Variants in ACYP2 observed in about 807,000 individuals in gnomAD.
ACYP2 encodes acylphosphatase 2.
A neutral mutation model predicts 11.2 loss-of-function variants in ACYP2; 12 were observed. The observed-to-expected ratio is 1.08, with a 90% CI of 0.69 to 1.74. The LOEUF (loss-of-function observed/expected upper bound fraction) is 1.74, where lower values mean the gene tolerates loss of function less well. Among genes scored for constraint, ACYP2 ranks in the 40% most tolerant of loss-of-function variants. The probability of loss-of-function intolerance (pLI) is 0.00; values close to 1 mark genes in which losing one functional copy is unlikely to be tolerated. For synonymous variants in ACYP2, 43 were observed against 32.2 expected, an observed-to-expected ratio of 1.33 and a Z score of -1.13; for missense variants, 134 against 101.9, an observed-to-expected ratio of 1.31 and a Z score of -1.35.
Position 54,197,933 on chromosome 2 carries a change from GTATGTATTA to G in ACYP2, c.404+59189_404+59197del, listed in dbSNP as rs1213658710. On this transcript the variant is annotated intron_variant, in intron 6 of 6. Coordinates refer to ENST00000607452, the MANE Select transcript of ACYP2 (RefSeq NM_001320586.2). The stretch of plus-strand genomic sequence containing the variant: ...TATTTTATTATTTTATTTTATTTAT[GTATGTATTA>G]TATTGTATTGTATTGTATTGTATTG... Among the ~76,000 whole-genome samples, 208 of 109,056 alleles carry G rather than the reference GTATGTATTA, an allele frequency of 1.9e-3. 4 individuals are homozygous for G. The highest frequency in any genetic ancestry group is 5.4e-3 in the South Asian group (12 of 2,236). The allele number at this position is 109,056 out of a possible 152,430, so 71.5% of individuals were successfully genotyped here.
chr2:54,154,629 G>T (rs1013163398), intron 6 of ACYP2, among the ~76,000 whole-genome samples: 4 of 152,114 alleles, frequency 2.6e-5, no homozygotes, highest in African/African-American at 9.7e-5. Context: ...AATTCCACTT[G>T]ATCATGGTGA....
At chr2:54,296,203 A>T (rs1202025142) in intron 6 of ACYP2, among the ~76,000 whole-genome samples, 1 of 152,202 alleles carries the variant, frequency 6.6e-6, no homozygotes, top group Admixed American at 6.5e-5. Context: ...CCCTTTTCAC[A>T]TAGGGGCAGT....
chr2:54,065,236 A>T (rs1042561575), intron 4 of ACYP2, among the ~76,000 whole-genome samples: 3 of 152,180 alleles, frequency 2.0e-5, no homozygotes, highest in African/African-American at 7.2e-5. Flanking sequence ...TTATTACTGG[A>T]TGTGAGGAAA....
At chr2:54,265,668 A>G (rs1687983309) in intron 6 of ACYP2, among the ~76,000 whole-genome samples, 1 of 152,238 alleles carries the variant, frequency 6.6e-6, no homozygotes, top group African/African-American at 2.4e-5. Flanking sequence ...CAGGGGTGAT[A>G]TGAAGATTAA....
Position 54,023,054 on chromosome 2 carries a change from G to C in ACYP2, c.63-27904G>C, listed in dbSNP as rs542848714. On this transcript the variant is annotated intron_variant, in intron 2 of 6. Coordinates refer to ENST00000607452, the MANE Select transcript of ACYP2 (RefSeq NM_001320586.2). The stretch of plus-strand genomic sequence containing the variant: ...TTGTATTCTTTTCTCTTGTTAATCT[G>C]TCTTTTGTTTTTGAGACCCAGCCTG... Among the ~76,000 whole-genome samples the C allele has an allele frequency of 1.8e-4, 28 of 152,220 alleles. No individual in the cohort carries two copies. In the South Asian group the frequency reaches 5.6e-3, roughly 30 times the overall value.
intron 6 of ACYP2, among the ~76,000 whole-genome samples, chr2:54,172,719 CCT>C (rs1558586468): frequency 6.6e-6 from 1 of 152,108 alleles, no homozygotes; most frequent in Non-Finnish European, 1.5e-5. Context: ...CTGACAGGCC[CCT>C]GTGTGTGATG....
At chr2:54,115,752 G>A (rs749807920) in intron 4 of ACYP2, 2 of 1,610,792 alleles carry the variant, frequency 1.2e-6, no homozygotes, top group Admixed American at 3.4e-5. Flanking sequence ...TCGGAAGAGT[G>A]CAGGGTAGGA....
chr2:54,210,263 G>C (rs11886559), intron 6 of ACYP2, among the ~76,000 whole-genome samples: 1 of 150,380 alleles, frequency 6.6e-6, no homozygotes, highest in Non-Finnish European at 1.5e-5. Flanking sequence ...TTGAGAAATA[G>C]ATCCCATCCT....
At chr2:54,295,799 C>T (rs568198674) in intron 6 of ACYP2, among the ~76,000 whole-genome samples, 29 of 151,498 alleles carry the variant, frequency 1.9e-4, no homozygotes, top group Non-Finnish European at 3.4e-4. Flanking sequence ...ATCACTCTGT[C>T]GCCCAGGCTG....
intron 2 of ACYP2, among the ~76,000 whole-genome samples, chr2:54,006,895 C>T (rs538662781): frequency 4.6e-5 from 7 of 151,890 alleles, no homozygotes; most frequent in African/African-American, 1.5e-4. Flanking sequence ...GAGACCGAGG[C>T]GGATGGATCA....
intron 1 of ACYP2, among the ~76,000 whole-genome samples, chr2:53,971,498 C>A (rs1414941241): frequency 6.6e-6 from 1 of 152,216 alleles, no homozygotes; most frequent in Non-Finnish European, 1.5e-5. Flanking sequence ...TGGCCGCCAT[C>A]ATTCCAAAGA....
intron 6 of ACYP2, among the ~76,000 whole-genome samples, chr2:54,184,046 G>C (rs980189085): frequency 6.6e-6 from 1 of 152,132 alleles, no homozygotes; most frequent in African/African-American, 2.4e-5. Context: ...ACTTCCTTAT[G>C]CAAGAATCTT....
At chr2:54,242,688 A>G (rs1048278185) in intron 6 of ACYP2, among the ~76,000 whole-genome samples, 2 of 152,224 alleles carry the variant, frequency 1.3e-5, no homozygotes, top group African/African-American at 4.8e-5. Context: ...GTAACATGGC[A>G]TACTATACAC....
At chr2:54,043,601 T>C (rs1000684483) in intron 2 of ACYP2, among the ~76,000 whole-genome samples, 1 of 152,154 alleles carries the variant, frequency 6.6e-6, no homozygotes, top group African/African-American at 2.4e-5. Context: ...AATTAAAAAA[T>C]TTTTTCCTGT....
chr2:54,096,771 G>A (rs1277779930), intron 4 of ACYP2, among the ~76,000 whole-genome samples: 1 of 152,212 alleles, frequency 6.6e-6, no homozygotes, highest in Non-Finnish European at 1.5e-5. Flanking sequence ...GCAGTGAGCT[G>A]AGATGGCAGC....
chr2:54,050,541 A>C (rs983729663), intron 2 of ACYP2, among the ~76,000 whole-genome samples: 2 of 146,052 alleles, frequency 1.4e-5, no homozygotes, highest in African/African-American at 5.2e-5. Flanking sequence ...GTGAAACCCC[A>C]TCCCTGAAAA....
At chr2:53,983,824 G>C (rs966399706) in intron 2 of ACYP2, among the ~76,000 whole-genome samples, 1 of 152,156 alleles carries the variant, frequency 6.6e-6, no homozygotes, top group Non-Finnish European at 1.5e-5. Context: ...GCATCGGTTT[G>C]TAGAAAGACC....
At chr2:54,124,553 G>A (rs924159178) in intron 4 of ACYP2, among the ~76,000 whole-genome samples, 1 of 152,036 alleles carries the variant, frequency 6.6e-6, no homozygotes, top group Admixed American at 6.6e-5. Context: ...ATCTATTACT[G>A]CCTTAAGCAA....
Position 54,051,359 on chromosome 2 carries a change from C to T in ACYP2, c.155+309C>T, listed in dbSNP as rs1351435458. 4 of 759,800 alleles carry T rather than the reference C, an allele frequency of 5.3e-6. No homozygotes were observed. In the African/African-American group the frequency reaches 6.8e-5, roughly 13 times the overall value. The allele number at this position is 759,800 out of a possible 1,614,324, so 47.1% of individuals were successfully genotyped here. On this transcript the variant is annotated intron_variant, in intron 3 of 6. Transcript: ENST00000607452. ...AAGAAGTGCTCAGAGAGGTGGAAGA[C>T]CATGTCTGCTAAAGAGAAAAGTGAA...
Sources: gnomAD v4.1 joint callset for allele counts (sites outside exome capture counted in the v4.1 genomes callset) on GRCh38, gnomAD v4.1.1 for gene constraint, MANE v1.5 for transcripts, NCBI Gene and HGNC (gene_info 2026-07-23, HGNC 2026-07-21) for gene names.